The following CBLB variants were observed in gnomAD, a reference collection of about 807,000 sequenced individuals.
The protein encoded by CBLB is Cbl proto-oncogene B, also known as E3 ubiquitin-protein ligase CBL-B.
Under a neutral mutation model 104.9 loss-of-function variants are expected in CBLB, and 31 were observed. The observed-to-expected ratio is 0.30, with a 90% CI of 0.22 to 0.40. The LOEUF (loss-of-function observed/expected upper bound fraction) is 0.40. Ranked by LOEUF, CBLB falls within the 10% of genes least tolerant of loss-of-function variation. The pLI, the probability that CBLB is intolerant of heterozygous loss-of-function variation, is 1.00. For synonymous variants in CBLB, 440 were observed against 422.6 expected (o/e 1.04, Z -0.51); for missense variants, 1,062 against 1,214.6 (o/e 0.87, Z 1.87).
At chr3:105,802,275 C>T (rs1396359377) in intron 3 of CBLB, among the ~76,000 whole-genome samples, 3 of 152,228 alleles carry the variant, frequency 2.0e-5, no homozygotes, top group Admixed American at 6.5e-5. Context: ...GTGTCCTCTC[C>T]AGCTGGAACA....
At chr3:105,759,900 C>A (rs2077452308) in intron 4 of CBLB, among the ~76,000 whole-genome samples, 2 of 152,318 alleles carry the variant, frequency 1.3e-5, no homozygotes, top group South Asian at 4.1e-4. Context: ...GAGCACACAG[C>A]CCTGGCCATG....
At chr3:105,701,284 G>C (rs1274589393) in intron 12 of CBLB, among the ~76,000 whole-genome samples, 1 of 152,126 alleles carries the variant, frequency 6.6e-6, no homozygotes, top group Non-Finnish European at 1.5e-5. Context: ...AAAAGAACTT[G>C]GGAAAAGAAC....
At chr3:105,825,639 A>T (rs2086465161) in intron 3 of CBLB, among the ~76,000 whole-genome samples, 2 of 152,212 alleles carry the variant, frequency 1.3e-5, no homozygotes, top group South Asian at 4.1e-4. Context: ...CAGTAGATTA[A>T]CAATAGCAGA....
chr3:105,658,865 C>T lies in CBLB; in HGVS notation c.*105G>A, dbSNP rs557866164. The T allele has an allele frequency of 2.0e-5, 25 of 1,254,188 alleles. No homozygotes were observed. Among genetic ancestry groups the T allele is most frequent in the East Asian group, 1.2e-4 (5 of 42,994 alleles). The allele number at this position is 1,254,188 out of a possible 1,614,324, so 77.7% of individuals were successfully genotyped here. A position where few individuals can be genotyped will look rare whatever the true frequency, so the allele number is the denominator to read the frequency against. ...CCAAGCCTCTTCTCAAGCTGCTACA[C>T]GAGGAGGAGACACTTCTCTCTTGAA... is the stretch of plus-strand genomic sequence containing the variant. On this transcript the variant is annotated 3_prime_UTR_variant, in exon 19 of 19. Transcript: ENST00000394030.
intron 3 of CBLB, among the ~76,000 whole-genome samples, chr3:105,828,639 A>G (rs1318805669): frequency 1.3e-5 from 2 of 152,202 alleles, no homozygotes; most frequent in Non-Finnish European, 2.9e-5. Flanking sequence ...AAAGAAATAA[A>G]TATGCACTAA....
chr3:105,762,951 G>A (rs2077808703), intron 4 of CBLB, among the ~76,000 whole-genome samples: 1 of 152,212 alleles, frequency 6.6e-6, no homozygotes, highest in Non-Finnish European at 1.5e-5. Context: ...GAAGCCACGG[G>A]GTGGAGCTGC....
chr3:105,841,994 T>C (rs989937654), intron 3 of CBLB, among the ~76,000 whole-genome samples: 1 of 150,852 alleles, frequency 6.6e-6, no homozygotes, highest in Non-Finnish European at 1.5e-5. Context: ...CCTTAGATAA[T>C]AGGGACAGTG....
chr3:105,670,922 CATT>C (rs2065000843), intron 17 of CBLB: 1 of 163,668 alleles, frequency 6.1e-6, no homozygotes, highest in Non-Finnish European at 1.3e-5. Flanking sequence ...TGCTTAACAT[CATT>C]GTTGTTAGTT....
chr3:105,762,941 G>A (rs1190867731), intron 4 of CBLB, among the ~76,000 whole-genome samples: 3 of 152,218 alleles, frequency 2.0e-5, no homozygotes, highest in Non-Finnish European at 2.9e-5. Flanking sequence ...TGTACCCTGC[G>A]AAGCCACGGG....
At chr3:105,744,431 T>G (rs944620693) in intron 6 of CBLB, among the ~76,000 whole-genome samples, 1 of 152,182 alleles carries the variant, frequency 6.6e-6, no homozygotes, top group South Asian at 2.1e-4. Context: ...ACTGTCAATA[T>G]GCAAAATAAC....
chr3:105,845,296 A>G (rs1464276714), intron 3 of CBLB, among the ~76,000 whole-genome samples: 1 of 151,770 alleles, frequency 6.6e-6, no homozygotes, highest in Non-Finnish European at 1.5e-5. Context: ...AATCTGATTT[A>G]GAAGAAATTA....
intron 13 of CBLB, among the ~76,000 whole-genome samples, chr3:105,686,346 G>A (rs1235601908): frequency 6.6e-6 from 1 of 151,794 alleles, no homozygotes; most frequent in African/African-American, 2.4e-5. Context: ...TTCACTTTAG[G>A]ACGACCAACT....
At chr3:105,761,993 T>A (rs1377321791) in intron 4 of CBLB, 2 of 152,242 alleles carry the variant, frequency 1.3e-5, no homozygotes, top group African/African-American at 2.4e-5. Flanking sequence ...TTGCTATGTT[T>A]TAGCAAAGAG....
chr3:105,822,631 T>C (rs2086041098), intron 3 of CBLB, among the ~76,000 whole-genome samples: 1 of 152,192 alleles, frequency 6.6e-6, no homozygotes, highest in Non-Finnish European at 1.5e-5. Context: ...AAAATCTGCC[T>C]CCCATTTAAA....
chr3:105,855,413 A>AC (rs1167253404), intron 2 of CBLB, among the ~76,000 whole-genome samples: 9 of 152,218 alleles, frequency 5.9e-5, no homozygotes, highest in African/African-American at 2.2e-4. Flanking sequence ...AAATGGTCTT[A>AC]CCACAGAAAG....
intron 10 of CBLB, among the ~76,000 whole-genome samples, chr3:105,713,644 T>C (rs1394176346): frequency 1.3e-5 from 2 of 152,218 alleles, no homozygotes; most frequent in African/African-American, 2.4e-5. Context: ...GATGATGCAG[T>C]TGTTTCTTTT....
intron 3 of CBLB, among the ~76,000 whole-genome samples, chr3:105,779,574 T>C (rs1047682381): frequency 1.3e-5 from 2 of 152,042 alleles, no homozygotes; most frequent in Non-Finnish European, 2.9e-5. Flanking sequence ...TCCATATATA[T>C]GTAAATAATC....
chr3:105,780,670 T>TTTG (rs577242297), intron 3 of CBLB, among the ~76,000 whole-genome samples: 9,174 of 134,604 alleles, frequency 0.068, 323 homozygotes, highest in Admixed American at 0.09. Context: ...GTTTTTTTTT[T>TTTG]TTTTTTTTTT....
chr3:105,695,943 G>C (rs1415414737), intron 12 of CBLB, among the ~76,000 whole-genome samples: 1 of 151,612 alleles, frequency 6.6e-6, no homozygotes, highest in East Asian at 1.9e-4. Context: ...CTTATTAATG[G>C]AAGTATTAAC....
Sources: allele counts gnomAD v4.1 joint callset (sites outside exome capture counted in the v4.1 genomes callset), GRCh38; gene constraint gnomAD v4.1.1; transcripts MANE v1.5; gene names NCBI Gene and HGNC (gene_info 2026-07-23, HGNC 2026-07-21).